The following ZNF131 variants were observed in gnomAD, a reference collection of about 807,000 sequenced individuals.
ZNF131 encodes zinc finger and BTB domain containing 35.
ZNF131 carries 7 observed loss-of-function variants against 60.0 expected under a neutral mutation model. That is an observed-to-expected ratio of 0.12 (90% CI 0.07 to 0.22). The LOEUF (loss-of-function observed/expected upper bound fraction) is 0.22, where lower values mean the gene tolerates loss of function less well. ZNF131 is among the 10% of genes least tolerant of loss of function. The pLI is 1.00. For missense variants in ZNF131, 493 were observed against 740.9 expected, an observed-to-expected ratio of 0.67 and a Z score of 3.88; for synonymous variants, 257 against 253.2, an observed-to-expected ratio of 1.01 and a Z score of -0.14.
intron 3 of ZNF131, among the ~76,000 whole-genome samples, chr5:43,133,136 A>C (rs1215080299): frequency 6.6e-6 from 1 of 152,136 alleles, no homozygotes; most frequent in Non-Finnish European, 1.5e-5. Context: ...TAAACACAAA[A>C]CCGTCAAAAG....
intron 4 of ZNF131, chr5:43,143,457 C>T: frequency 7.3e-7 from 1 of 1,368,590 alleles, no homozygotes; most frequent in Non-Finnish European, 9.8e-7. Context: ...TCTTCAACTA[C>T]ACGCTGTATT....
intron 4 of ZNF131, among the ~76,000 whole-genome samples, chr5:43,147,908 T>C (rs548577090): frequency 2.0e-5 from 3 of 151,208 alleles, no homozygotes; most frequent in East Asian, 4.0e-4. Flanking sequence ...CAAAAAAATA[T>C]CTGGGTGTGC....
chr5:43,170,541 C>G, intron 5 of ZNF131, among the ~76,000 whole-genome samples: 1 of 152,148 alleles, frequency 6.6e-6, no homozygotes, highest in Non-Finnish European at 1.5e-5. Flanking sequence ...CAGAGCTTCT[C>G]CATATATTCA....
intron 3 of ZNF131, among the ~76,000 whole-genome samples, chr5:43,129,150 G>A (rs1318154920): frequency 7.2e-6 from 1 of 138,082 alleles, no homozygotes; most frequent in African/African-American, 2.6e-5. Flanking sequence ...TGGCCAGGCT[G>A]GTCTCAAACT....
chr5:43,150,432 C>A (rs1052540921), intron 4 of ZNF131, among the ~76,000 whole-genome samples: 3 of 152,132 alleles, frequency 2.0e-5, no homozygotes, highest in Admixed American at 1.3e-4. Context: ...ATTATCCTGG[C>A]TGGTACTGAA....
At position 43,158,847 on chromosome 5, in the gene ZNF131, C is replaced by CTTT. The variant is rs35631723; in HGVS notation, c.372-2392_372-2390dup. 3.3e-3 allele frequency among the ~76,000 whole-genome samples: 476 copies of CTTT among 146,296 alleles called. 3 individuals are homozygous for CTTT. The highest frequency in any genetic ancestry group is 0.011 in the African/African-American group (456 of 39,862). On this transcript the variant is annotated intron_variant, in intron 4 of 6. Coordinates refer to ENST00000682664, the MANE Select transcript of ZNF131 (RefSeq NM_001330707.2). ...CCTCATCCTTCCTTTTCCAGAAAGC[C>CTTT]TTTTTTTTTTTTCCCAGCATCTTAT...
chr5:43,170,052 A>G (rs1750794375), intron 5 of ZNF131, among the ~76,000 whole-genome samples: 1 of 152,182 alleles, frequency 6.6e-6, no homozygotes. Flanking sequence ...ATCCTCCCTA[A>G]TAATATGCAC....
intron 4 of ZNF131, among the ~76,000 whole-genome samples, chr5:43,140,548 T>G (rs1746686595): frequency 6.6e-6 from 1 of 152,216 alleles, no homozygotes; most frequent in Non-Finnish European, 1.5e-5. Context: ...TATGAACTAT[T>G]ATCTCCTGGT....
At chr5:43,168,007 G>T in intron 5 of ZNF131, 1 of 450,944 alleles carries the variant, frequency 2.2e-6, no homozygotes, top group Non-Finnish European at 4.5e-6. Context: ...GCAGAGTCCT[G>T]AGGCCATGCA....
rs1947121921 is a variant in ZNF131 at position 43,173,734 on chromosome 5, G to A, written c.1185+286G>A. 2.1e-5 allele frequency among the ~76,000 whole-genome samples: 3 copies of A among 145,004 alleles called. No homozygotes were observed. The Admixed American group carries it at 2.2e-4, about 10-fold the overall frequency. ...GGTGGGGATTGGTGGAAGCATTTCA[G>A]CTGTAATTAGATTCCCCCCCCATGA... On this transcript the variant is annotated intron_variant, in intron 6 of 6. Transcript: ENST00000682664.
chr5:43,131,747 A>C (rs1354331367), intron 3 of ZNF131, among the ~76,000 whole-genome samples: 1 of 152,156 alleles, frequency 6.6e-6, no homozygotes, highest in Non-Finnish European at 1.5e-5. Flanking sequence ...TGGAACAATA[A>C]GCAGTAATTC....
intron 5 of ZNF131, 108 bp downstream of exon 5, chr5:43,162,039 TATCTC>T: frequency 9.5e-7 from 1 of 1,053,772 alleles, no homozygotes; most frequent in East Asian, 2.6e-5. Context: ...TCTCATGTAT[TATCTC>T]TAATGTGTAG....
At chr5:43,146,588 C>G (rs890097705) in intron 4 of ZNF131, among the ~76,000 whole-genome samples, 4 of 151,952 alleles carry the variant, frequency 2.6e-5, no homozygotes, top group Non-Finnish European at 5.9e-5. Flanking sequence ...GAGCGAGACT[C>G]TGTCTCAACA....
chr5:43,136,475 A>ATTTTTTT (rs1746102383), intron 3 of ZNF131, among the ~76,000 whole-genome samples: 1 of 89,848 alleles, frequency 1.1e-5, no homozygotes, highest in African/African-American at 4.0e-5. Flanking sequence ...GAGGCATCAT[A>ATTTTTTT]CTTTTTTTTT....
intron 3 of ZNF131, among the ~76,000 whole-genome samples, chr5:43,135,019 A>G (rs1026205318): frequency 2.1e-5 from 3 of 146,312 alleles, no homozygotes; most frequent in Non-Finnish European, 3.0e-5. Context: ...TTTTTTTGAG[A>G]CTGAGTTTTG....
chr5:43,125,518 C>T (rs1258262433), intron 3 of ZNF131, among the ~76,000 whole-genome samples: 1 of 151,712 alleles, frequency 6.6e-6, no homozygotes, highest in Non-Finnish European at 1.5e-5. Context: ...CGGTGGCTCA[C>T]GCCTGTAATC....
At chr5:43,144,430 A>G (rs1476489732) in intron 4 of ZNF131, among the ~76,000 whole-genome samples, 1 of 150,510 alleles carries the variant, frequency 6.6e-6, no homozygotes, top group East Asian at 2.0e-4. Flanking sequence ...GAGTTTCACC[A>G]TGTTGGCCAA....
intron 4 of ZNF131, among the ~76,000 whole-genome samples, chr5:43,151,263 G>A (rs1264322714): frequency 3.3e-5 from 5 of 152,102 alleles, no homozygotes; most frequent in African/African-American, 4.8e-5. Context: ...AACTGCCCAC[G>A]GGATGTGCAT....
chr5:43,151,359 G>A (rs1012122946), intron 4 of ZNF131, among the ~76,000 whole-genome samples: 1 of 152,182 alleles, frequency 6.6e-6, no homozygotes, highest in African/African-American at 2.4e-5. Flanking sequence ...ACAGTCACCC[G>A]AGGGCTGCTT....
Sources: gnomAD v4.1 joint callset for allele counts (sites outside exome capture counted in the v4.1 genomes callset) on GRCh38, gnomAD v4.1.1 for gene constraint, MANE v1.5 for transcripts, NCBI Gene and HGNC (gene_info 2026-07-23, HGNC 2026-07-21) for gene names.